Variants in PPHLN1 observed in about 807,000 individuals in gnomAD.
PPHLN1 encodes the protein periphilin 1.
In PPHLN1, 29 loss-of-function variants were observed where a neutral mutation model predicts 51.3. That is an observed-to-expected ratio of 0.57 (90% CI 0.42 to 0.77). The LOEUF (loss-of-function observed/expected upper bound fraction) is 0.77, where lower values mean the gene tolerates loss of function less well. Among genes scored for constraint, PPHLN1 ranks in the 30% least tolerant of loss-of-function variants. The pLI is 0.00. For synonymous variants in PPHLN1, 147 were observed against 147.8 expected (o/e 0.99, Z 0.04); for missense variants, 436 against 438.4 (o/e 0.99, Z 0.05).
intron 2 of PPHLN1, among the ~76,000 whole-genome samples, chr12:42,342,782 T>C (rs1170812235): frequency 6.6e-6 from 1 of 152,254 alleles, no homozygotes; most frequent in East Asian, 1.9e-4. Flanking sequence ...CAATATTGAC[T>C]AGTAGTGATG....
intron 1 of PPHLN1, among the ~76,000 whole-genome samples, chr12:42,327,026 C>T (rs1408127516): frequency 6.6e-6 from 1 of 152,150 alleles, no homozygotes; most frequent in Non-Finnish European, 1.5e-5. Flanking sequence ...CCTCCGTGGC[C>T]GACAGGAGAC....
rs115346313 is a variant in PPHLN1 at position 42,376,450 on chromosome 12, A to G, written c.511+1376A>G. ...AAAACATATTTTTGGATACAGGTAT[A>G]TTAATGATGATGCAGGAGATAAGAA... On this transcript the variant is annotated intron_variant, in intron 5 of 9. Coordinates refer to ENST00000358314, the MANE Select transcript of PPHLN1 (RefSeq NM_201439.2). Among the ~76,000 whole-genome samples the G allele has an allele frequency of 1.7e-3, 255 of 152,316 alleles. 1 individual carries two copies. Among genetic ancestry groups the G allele is most frequent in the African/African-American group, 5.8e-3 (240 of 41,564 alleles).
intron 8 of PPHLN1, among the ~76,000 whole-genome samples, chr12:42,396,943 G>A (rs1247194392): frequency 6.6e-6 from 1 of 151,682 alleles, no homozygotes; most frequent in East Asian, 1.9e-4. Context: ...AGGAGGCTGA[G>A]GTGAGAGGAT....
intron 3 of PPHLN1, among the ~76,000 whole-genome samples, chr12:42,352,568 C>G (rs1318673536): frequency 6.6e-6 from 1 of 151,574 alleles, no homozygotes; most frequent in Admixed American, 6.6e-5. Flanking sequence ...TGCCACCGTG[C>G]CTGGCTAATT....
At chr12:42,344,329 G>T (rs898376620) in intron 2 of PPHLN1, among the ~76,000 whole-genome samples, 2 of 152,024 alleles carry the variant, frequency 1.3e-5, no homozygotes, top group Non-Finnish European at 2.9e-5. Flanking sequence ...TTTTATAAGG[G>T]GAAATATCAA....
In PPHLN1 at chr12:42,335,883, T is replaced by A; in HGVS notation, c.-20T>A. The A allele has an allele frequency of 6.6e-7, 1 of 1,513,054 alleles. No individual in the cohort carries two copies. The highest frequency in any genetic ancestry group is 2.0e-5 in the Admixed American group (1 of 49,302). 93.7% of individuals were successfully genotyped at this position (1,513,054 alleles called of 1,614,324 possible). A position where few individuals can be genotyped will look rare whatever the true frequency, so the allele number is the denominator to read the frequency against. ...CCATAATTCTTTTTTTTTTCTTTAG[T>A]GGCTTACAGAAGAGACGAAATGTGG... On this transcript the variant is annotated splice_region_variant and 5_prime_UTR_variant, in exon 2 of 10. Transcript: ENST00000358314.
At chr12:42,444,216 GTTAAA>G (rs1022152751), downstream of PPHLN1, 2 of 151,802 alleles carry the variant, frequency 1.3e-5, no homozygotes, top group Non-Finnish European at 2.9e-5. Context: ...ACCTCAAAAG[GTTAAA>G]TTAAATACTA....
chr12:42,372,062 T>G (rs543494119), intron 4 of PPHLN1, among the ~76,000 whole-genome samples: 1 of 152,260 alleles, frequency 6.6e-6, no homozygotes, highest in African/African-American at 2.4e-5. Flanking sequence ...CCAATATACT[T>G]AGCTTCTTCA....
intron 4 of PPHLN1, among the ~76,000 whole-genome samples, chr12:42,369,087 C>T (rs892269389): frequency 3.3e-5 from 5 of 152,068 alleles, no homozygotes; most frequent in South Asian, 2.1e-4. Context: ...ATATGTTATC[C>T]GTGGCTGCTG....
chr12:42,401,743 T>A (rs2078862956), intron 9 of PPHLN1, among the ~76,000 whole-genome samples: 1 of 152,110 alleles, frequency 6.6e-6, no homozygotes, highest in Admixed American at 6.5e-5. Context: ...TGCTATCTTT[T>A]GAAAAAAGAG....
At chr12:42,341,274 C>T (rs924631320) in intron 2 of PPHLN1, among the ~76,000 whole-genome samples, 5 of 152,092 alleles carry the variant, frequency 3.3e-5, no homozygotes, top group African/African-American at 4.8e-5. Context: ...CCATCGTGCC[C>T]GGCTTCTCCG....
At chr12:42,425,246 A>ATTTTTTTTT (rs34484756) in intron 9 of PPHLN1, among the ~76,000 whole-genome samples, 9 of 124,794 alleles carry the variant, frequency 7.2e-5, no homozygotes, top group Non-Finnish European at 9.7e-5. Flanking sequence ...TGCCTGGCTA[A>ATTTTTTTTT]TTTTTTTTTT....
chr12:42,388,534 A>T (rs1270832952), intron 7 of PPHLN1, among the ~76,000 whole-genome samples: 10 of 152,132 alleles, frequency 6.6e-5, no homozygotes, highest in Admixed American at 6.5e-4. Context: ...AATAACAATA[A>T]AAACTGAGGG....
chr12:42,399,098 C>A, intron 9 of PPHLN1, 104 bp downstream of exon 9: 1 of 1,486,096 alleles, frequency 6.7e-7, no homozygotes, highest in South Asian at 1.5e-5. Context: ...CCACCTGTAA[C>A]TCTAAAACTA....
chr12:42,350,707 G>C (rs914946994), intron 2 of PPHLN1, among the ~76,000 whole-genome samples: 3 of 152,178 alleles, frequency 2.0e-5, no homozygotes, highest in African/African-American at 4.8e-5. Flanking sequence ...CTCTGTCTGC[G>C]ATCCCGGCAC....
intron 2 of PPHLN1, among the ~76,000 whole-genome samples, chr12:42,348,525 T>C (rs970088895): frequency 6.6e-6 from 1 of 152,168 alleles, no homozygotes; most frequent in Non-Finnish European, 1.5e-5. Flanking sequence ...TGCCAAAGTT[T>C]TACCAAATAC....
intron 9 of PPHLN1, among the ~76,000 whole-genome samples, chr12:42,435,036 C>T (rs1566031235): frequency 6.6e-6 from 1 of 152,136 alleles, no homozygotes. Flanking sequence ...CTGGTTTTGG[C>T]ATTAACTATT....
At chr12:42,328,607 C>T (rs1388588819) in intron 1 of PPHLN1, among the ~76,000 whole-genome samples, 1 of 152,226 alleles carries the variant, frequency 6.6e-6, no homozygotes, top group Non-Finnish European at 1.5e-5. Flanking sequence ...AATCAGGGAT[C>T]TCCTACTAAG....
chr12:42,430,811 C>CT (rs919859287), intron 9 of PPHLN1, among the ~76,000 whole-genome samples: 17 of 151,890 alleles, frequency 1.1e-4, no homozygotes, highest in Non-Finnish European at 5.9e-5. Context: ...TGTGTTATCT[C>CT]TTTTTTTTGG....
Sources: allele counts gnomAD v4.1 joint callset (sites outside exome capture counted in the v4.1 genomes callset), GRCh38; gene constraint gnomAD v4.1.1; transcripts MANE v1.5; gene names NCBI Gene and HGNC (gene_info 2026-07-23, HGNC 2026-07-21).